The following RUNX2 variants were observed in gnomAD, a reference collection of about 807,000 sequenced individuals.
RUNX2 encodes RUNX family transcription factor 2.
In RUNX2, 10 loss-of-function variants were observed where a neutral mutation model predicts 51.7. The ratio of observed to expected loss-of-function variants is 0.19; its 90% CI spans 0.12 to 0.33. The LOEUF is 0.33. Among genes scored for constraint, RUNX2 ranks in the 10% least tolerant of loss-of-function variants. The pLI, the probability that RUNX2 is intolerant of heterozygous loss-of-function variation, is 1.00. For missense variants in RUNX2, 562 were observed against 691.3 expected (o/e 0.81, Z 2.10); for synonymous variants, 276 against 273.6 (o/e 1.01, Z -0.09).
intron 2 of RUNX2, among the ~76,000 whole-genome samples, chr6:45,332,445 C>T (rs759985445): frequency 5.9e-5 from 9 of 151,824 alleles, no homozygotes; most frequent in Non-Finnish European, 1.2e-4. Flanking sequence ...ATTAATGATG[C>T]ACCCGTGCAT....
At chr6:45,523,541 G>A (rs1801572858) in intron 7 of RUNX2, among the ~76,000 whole-genome samples, 1 of 152,028 alleles carries the variant, frequency 6.6e-6, no homozygotes, top group Non-Finnish European at 1.5e-5. Context: ...AAAGTGCTGG[G>A]ATTACAGGCA....
rs59581679 is a variant in RUNX2, at chr6:45,374,495, G to A, written c.58+45711G>A. ...GCAGCAGAGCGAGAACTCAAATCAA[G>A]TGTTAGAGCCTCAATAAAATATTTT... On this transcript the variant is annotated intron_variant, in intron 2 of 8. Coordinates refer to ENST00000647337, the MANE Select transcript of RUNX2 (RefSeq NM_001024630.4). Among the ~76,000 whole-genome samples, 1,096 of 152,294 alleles carry A rather than the reference G, an allele frequency of 7.2e-3. 19 individuals are homozygous for A. The highest frequency in any genetic ancestry group is 0.025 in the African/African-American group (1,044 of 41,552).
intron 7 of RUNX2, among the ~76,000 whole-genome samples, chr6:45,539,789 T>C (rs1048126112): frequency 2.6e-5 from 4 of 152,222 alleles, no homozygotes; most frequent in Admixed American, 6.5e-5. Flanking sequence ...CACCATACTA[T>C]AAGGTAGGAT....
chr6:45,418,803 G>C (rs375644896), intron 2 of RUNX2, among the ~76,000 whole-genome samples: 1 of 152,174 alleles, frequency 6.6e-6, no homozygotes, highest in South Asian at 2.1e-4. Context: ...AGGGTATTCA[G>C]TGGAAAATTT....
intron 7 of RUNX2, among the ~76,000 whole-genome samples, chr6:45,533,612 C>A (rs1801931582): frequency 6.6e-6 from 1 of 152,158 alleles, no homozygotes; most frequent in African/African-American, 2.4e-5. Context: ...TACTACAACA[C>A]TACATTTGGA....
At chr6:45,459,497 G>C (rs141896692) in intron 5 of RUNX2, among the ~76,000 whole-genome samples, 77 of 152,298 alleles carry the variant, frequency 5.1e-4, no homozygotes, top group African/African-American at 1.7e-3. Context: ...ATTAAAATAT[G>C]GTCCTGGAGA....
chr6:45,391,710 A>G (rs1797475464), intron 2 of RUNX2, among the ~76,000 whole-genome samples: 1 of 152,176 alleles, frequency 6.6e-6, no homozygotes, highest in East Asian at 1.9e-4. Context: ...GGCAGCAGGA[A>G]AGAGAAGTGC....
Position 45,548,974 on chromosome 6 carries a change from C to T in RUNX2, c.*1669C>T, listed in dbSNP as rs2150455995. 1 of 396,886 alleles carries T rather than the reference C, an allele frequency of 2.5e-6. No homozygotes were observed. Among genetic ancestry groups the T allele is most frequent in the Non-Finnish European group, 4.4e-6 (1 of 225,222 alleles). 24.6% of individuals were successfully genotyped at this position (396,886 alleles called of 1,614,324 possible). A position where few individuals can be genotyped will look rare whatever the true frequency, so the allele number is the denominator to read the frequency against. On this transcript the variant is annotated 3_prime_UTR_variant, in exon 9 of 9. Transcript: ENST00000647337. ...TAGCTGAGCTGAGAGGACATATGGC[C>T]CACGGGGACCTACAGACAGCCTTTG...
chr6:45,402,376 A>AATGG (rs1451630275), intron 2 of RUNX2, among the ~76,000 whole-genome samples: 6 of 152,254 alleles, frequency 3.9e-5, no homozygotes, highest in Non-Finnish European at 8.8e-5. Flanking sequence ...AAGCCATTTG[A>AATGG]AATACCATTA....
At chr6:45,509,352 T>C (rs990957858) in intron 6 of RUNX2, among the ~76,000 whole-genome samples, 5 of 152,244 alleles carry the variant, frequency 3.3e-5, no homozygotes, top group Admixed American at 3.3e-4. Context: ...TATTATATAC[T>C]TAATATGTGC....
rs906033593 is a variant in RUNX2, at chr6:45,491,884, C to T, written c.686-57C>T. On this transcript the variant is annotated intron_variant, in intron 5 of 8. Coordinates refer to ENST00000647337, the MANE Select transcript of RUNX2 (RefSeq NM_001024630.4). ...TTTGTATGTTCACATATCTATTTAG[C>T]ATGGTCAATTGTTCAGCTAATTAAT... The T allele has an allele frequency of 5.2e-6, 8 of 1,544,202 alleles. No homozygotes were observed. The African/African-American group carries it at 1.1e-4, about 21-fold the overall frequency.
At chr6:45,504,253 G>A (rs768752048) in intron 6 of RUNX2, among the ~76,000 whole-genome samples, 3 of 152,224 alleles carry the variant, frequency 2.0e-5, no homozygotes, top group Admixed American at 6.5e-5. Flanking sequence ...GCTCTGCATG[G>A]CTTCAGTCAT....
chr6:45,330,813 C>G (rs532536785), intron 2 of RUNX2, among the ~76,000 whole-genome samples: 1 of 151,906 alleles, frequency 6.6e-6, no homozygotes, highest in South Asian at 2.1e-4. Flanking sequence ...ATCTTGAAGC[C>G]TGAATAGAGA....
At chr6:45,352,998 T>C (rs1461475459) in intron 2 of RUNX2, among the ~76,000 whole-genome samples, 1 of 152,110 alleles carries the variant, frequency 6.6e-6, no homozygotes, top group Non-Finnish European at 1.5e-5. Flanking sequence ...CAATTCTACA[T>C]TCTAGCAAGA....
chr6:45,345,086 C>T (rs1184923877), intron 2 of RUNX2, among the ~76,000 whole-genome samples: 3 of 152,156 alleles, frequency 2.0e-5, no homozygotes, highest in Non-Finnish European at 4.4e-5. Flanking sequence ...AAACTACCCA[C>T]TCATCTGCGC....
chr6:45,459,018 T>C (rs1799399277), intron 5 of RUNX2, among the ~76,000 whole-genome samples: 3 of 152,232 alleles, frequency 2.0e-5, no homozygotes. Context: ...TCCTGATTAA[T>C]TTCCTTTTCC....
chr6:45,512,646 C>T (rs938590242), intron 7 of RUNX2, among the ~76,000 whole-genome samples: 6 of 152,198 alleles, frequency 3.9e-5, no homozygotes, highest in Middle Eastern at 3.4e-3. Flanking sequence ...TATTTAATGC[C>T]GCCCAGTTAG....
intron 5 of RUNX2, among the ~76,000 whole-genome samples, chr6:45,481,998 A>G (rs1800130426): frequency 6.6e-6 from 1 of 152,236 alleles, no homozygotes; most frequent in South Asian, 2.1e-4. Flanking sequence ...CAGGCAGACA[A>G]ATTTGAGTAG....
At position 45,492,021 on chromosome 6, in the gene RUNX2, A is replaced by C. The variant is rs1800492558; in HGVS notation, c.766A>C (p.Ser256Arg). The C allele has an allele frequency of 6.2e-7, 1 of 1,613,854 alleles. No homozygotes were observed. The highest frequency in any genetic ancestry group is 1.7e-5 in the Admixed American group (1 of 59,994). Residue 256 changes from serine to arginine, a missense_variant, in exon 6 of 9, where the codon AGT becomes CGT. Around this residue, in one of 5 missense-constraint regions of RUNX2, gnomAD observed 304 missense variants for 353.2 expected, o/e 0.86. Transcript: ENST00000647337. Reference protein sequence around the residue: ...LSDLGRIPHPSMRVGVPPQNP... With the variant: ...LSDLGRIPHPRMRVGVPPQNP... ...TGATTTAGGGCGCATTCCTCATCCC[A>C]GTATGAGAGTAGGTGTCCCGCCTCA...
Sources: gnomAD v4.1 joint callset for allele counts (sites outside exome capture counted in the v4.1 genomes callset) on GRCh38, gnomAD v4.1.1 for gene constraint, gnomAD v4.1.1 regional missense constraint, MANE v1.5 for transcripts, NCBI Gene and HGNC (gene_info 2026-07-23, HGNC 2026-07-21) for gene names.